Variants in CDC42BPA observed in about 807,000 individuals in gnomAD.
The protein encoded by CDC42BPA is serine/threonine-protein kinase MRCK alpha.
In CDC42BPA, 80 loss-of-function variants were observed where a neutral mutation model predicts 223.5. The ratio of observed to expected loss-of-function variants is 0.36; its 90% CI spans 0.30 to 0.43. CDC42BPA has a LOEUF of 0.43. CDC42BPA is among the 20% of genes least tolerant of loss of function. The pLI, the probability that CDC42BPA is intolerant of heterozygous loss-of-function variation, is 1.00. For synonymous variants in CDC42BPA, 694 were observed against 718.6 expected (o/e 0.97, Z 0.55); for missense variants, 1,743 against 2,099.9 (o/e 0.83, Z 3.32).
rs1474440468 is a variant in CDC42BPA at position 227,106,192 on chromosome 1, G to C, written c.2002-4953C>G. 2.0e-5 allele frequency among the ~76,000 whole-genome samples: 3 copies of C among 152,068 alleles called. No homozygotes were observed. In the South Asian group the frequency reaches 6.2e-4, roughly 32 times the overall value. On this transcript the variant is annotated intron_variant, in intron 14 of 36. Transcript: ENST00000366766. ...TTAATTTGAATTCTCCTAGTGATTAGTAATGTTGAGCATTTTTTAATTTGC... is the reference window on the plus strand; with the variant it reads ...TTAATTTGAATTCTCCTAGTGATTACTAATGTTGAGCATTTTTTAATTTGC...
rs777278244 is a variant in CDC42BPA at position 227,254,139 on chromosome 1, A to G, written c.195T>C (p.Ser65=). The G allele has an allele frequency of 6.4e-7, 1 of 1,572,156 alleles. No homozygotes were observed. Among genetic ancestry groups the G allele is most frequent in the South Asian group, 1.1e-5 (1 of 87,836 alleles). The stretch of plus-strand genomic sequence containing the variant: ...TATGTAATCGCATTTGTTTCACTTT[A>G]GAAGTAAATGGTTTAGCTGAAATGA... ...EYLEWAKPFT[S]KVKQMRLHRE... Residue 65 remains serine (S), a synonymous_variant, in exon 2 of 37, where the codon TCT becomes TCC. Transcript: ENST00000366766.
intron 2 of CDC42BPA, among the ~76,000 whole-genome samples, chr1:227,242,804 C>T (rs1393788210): frequency 6.6e-6 from 1 of 152,088 alleles, no homozygotes; most frequent in African/African-American, 2.4e-5. Context: ...CCATTTGACC[C>T]AACAATCCCA....
intron 23 of CDC42BPA, among the ~76,000 whole-genome samples, chr1:227,043,520 A>C (rs562338589): frequency 6.6e-6 from 1 of 152,256 alleles, no homozygotes; most frequent in South Asian, 2.1e-4. Context: ...CTTTTAAAAA[A>C]CATGAAATAA....
chr1:227,175,763 C>T (rs776919197), intron 5 of CDC42BPA, among the ~76,000 whole-genome samples: 25 of 152,124 alleles, frequency 1.6e-4, no homozygotes, highest in Non-Finnish European at 2.9e-5. Context: ...TGCTATTTGG[C>T]ATGACAAGAC....
intron 2 of CDC42BPA, among the ~76,000 whole-genome samples, chr1:227,213,783 A>C (rs1674359735): frequency 6.6e-6 from 1 of 152,192 alleles, no homozygotes; most frequent in Non-Finnish European, 1.5e-5. Context: ...ATACGCATAG[A>C]GAGCAATTAA....
intron 1 of CDC42BPA, among the ~76,000 whole-genome samples, chr1:227,300,345 A>G (rs1329814924): frequency 6.6e-6 from 1 of 152,206 alleles, no homozygotes. Context: ...AAGTCATTAC[A>G]TCAAAAACAC....
intron 5 of CDC42BPA, among the ~76,000 whole-genome samples, chr1:227,166,609 T>C (rs1247110622): frequency 3.9e-5 from 6 of 152,158 alleles, no homozygotes; most frequent in African/African-American, 1.4e-4. Context: ...AAATCTAAAT[T>C]TATAGTAGTC....
intron 26 of CDC42BPA, among the ~76,000 whole-genome samples, chr1:227,034,014 C>A (rs11808332): frequency 6.6e-6 from 1 of 151,890 alleles, no homozygotes; most frequent in Non-Finnish European, 1.5e-5. Context: ...GAAGATAATG[C>A]GTTTGAGATG....
rs895269402 is a variant in CDC42BPA, at chr1:227,073,891, A to G, written c.2708T>C (p.Val903Ala). 1 of 1,605,042 alleles carries G rather than the reference A, an allele frequency of 6.2e-7. No homozygotes were observed. The highest frequency in any genetic ancestry group is 1.3e-5 in the African/African-American group (1 of 74,384). ...KQAIQEELNK[V>A]KASNIITECK... ...TTCTGTTATGATATTAGATGCTTTA[A>G]CTTTATTCAACTCTTCTTGGATGGC... The change falls in exon 19 of 37, where the codon GTT becomes GCT. Residue 903 changes from valine (V) to alanine (A), a missense_variant. Val to Ala is a moderately conservative substitution (Grantham distance 64). Coordinates refer to ENST00000366766, the MANE Select transcript of CDC42BPA (RefSeq NM_001394014.1).
intron 11 of CDC42BPA, among the ~76,000 whole-genome samples, chr1:227,127,847 T>G (rs1284281187): frequency 6.6e-6 from 1 of 152,208 alleles, no homozygotes; most frequent in Non-Finnish European, 1.5e-5. Context: ...TAGTCATTTT[T>G]ATAAAAGATG....
chr1:227,058,833 C>G (rs1675144541), intron 21 of CDC42BPA, among the ~76,000 whole-genome samples: 1 of 151,002 alleles, frequency 6.6e-6, no homozygotes, highest in African/African-American at 2.4e-5. Context: ...ATTATTTCCT[C>G]AGATCTAGAT....
intron 5 of CDC42BPA, among the ~76,000 whole-genome samples, chr1:227,163,705 A>G (rs1664515036): frequency 7.1e-6 from 1 of 141,082 alleles, no homozygotes. Context: ...TTGTTTTTCC[A>G]TTGTTTTTAA....
At chr1:227,310,447 C>A (rs1387252331) in intron 1 of CDC42BPA, among the ~76,000 whole-genome samples, 1 of 152,074 alleles carries the variant, frequency 6.6e-6, no homozygotes, top group African/African-American at 2.4e-5. Context: ...AAAGGGGGAG[C>A]CAGGTCTTTG....
intron 1 of CDC42BPA, among the ~76,000 whole-genome samples, chr1:227,278,168 T>C (rs908951332): frequency 2.6e-5 from 4 of 152,258 alleles, no homozygotes; most frequent in African/African-American, 9.6e-5. Flanking sequence ...GCAGTGGTTG[T>C]GAAATTTTTC....
intron 2 of CDC42BPA, among the ~76,000 whole-genome samples, chr1:227,246,580 C>T (rs2148182042): frequency 6.6e-6 from 1 of 152,242 alleles, no homozygotes; most frequent in Admixed American, 6.5e-5. Flanking sequence ...AGAGTTTTTG[C>T]CTGGTAATCC....
chr1:227,011,040 A>C (rs1665083812), intron 34 of CDC42BPA: 1 of 1,354,412 alleles, frequency 7.4e-7, no homozygotes. Context: ...AGTGATGATG[A>C]GGGGATGGAT....
chr1:227,034,824 C>T (rs1199601211), intron 25 of CDC42BPA, 30 bp from the exon 26 acceptor site: 1 of 1,568,732 alleles, frequency 6.4e-7, no homozygotes, highest in Non-Finnish European at 8.7e-7. Context: ...GACAAACAGC[C>T]AAAACAACTC....
chr1:227,104,668 C>T (rs188005245), intron 14 of CDC42BPA, among the ~76,000 whole-genome samples: 12 of 152,142 alleles, frequency 7.9e-5, no homozygotes, highest in Non-Finnish European at 1.3e-4. Flanking sequence ...AGAGGTAAAT[C>T]GAATCAAAAC....
intron 5 of CDC42BPA, among the ~76,000 whole-genome samples, chr1:227,170,129 T>C (rs1015535972): frequency 1.3e-5 from 2 of 152,170 alleles, no homozygotes; most frequent in South Asian, 2.1e-4. Flanking sequence ...TACAGTATGA[T>C]AGAACTTAGG....
Sources: allele counts gnomAD v4.1 joint callset (sites outside exome capture counted in the v4.1 genomes callset), GRCh38; gene constraint gnomAD v4.1.1; transcripts MANE v1.5; gene names NCBI Gene and HGNC (gene_info 2026-07-23, HGNC 2026-07-21).